DTHD1: variants seen among roughly 807,000 people sequenced by gnomAD.
DTHD1 encodes the protein death domain-containing protein 1.
In DTHD1, 59 loss-of-function variants were observed where a neutral mutation model predicts 74.8. The observed-to-expected ratio is 0.79, with a 90% confidence interval of 0.64 to 0.98. The LOEUF (loss-of-function observed/expected upper bound fraction) is 0.98. Ranked by LOEUF, DTHD1 falls within the 50% of genes least tolerant of loss-of-function variation. The probability of loss-of-function intolerance (pLI) is 0.00; values close to 1 mark genes in which losing one functional copy is unlikely to be tolerated. For missense variants in DTHD1, 1,051 were observed against 1,065.4 expected (o/e 0.99, Z 0.19); for synonymous variants, 365 against 371.1 (o/e 0.98, Z 0.19).
chr4:36,309,013 A>C (rs529841045), intron 7 of DTHD1, among the ~76,000 whole-genome samples: 1 of 152,216 alleles, frequency 6.6e-6, no homozygotes, highest in South Asian at 2.1e-4. Flanking sequence ...GAATAGATCT[A>C]TATTTCAGTA....
intron 8 of DTHD1, among the ~76,000 whole-genome samples, chr4:36,327,116 G>A (rs1022624813): frequency 1.3e-5 from 2 of 152,002 alleles, no homozygotes; most frequent in Admixed American, 1.3e-4. Flanking sequence ...ACAGGTGCCT[G>A]CCACCTCGCC....
intron 7 of DTHD1, chr4:36,311,841 G>T (rs1468158194): frequency 6.6e-6 from 1 of 151,764 alleles, no homozygotes; most frequent in Non-Finnish European, 1.5e-5. Flanking sequence ...GAAGACCAAA[G>T]TTTAGAAAAA....
At chr4:36,331,784 G>T (rs1758690916) in intron 8 of DTHD1, among the ~76,000 whole-genome samples, 1 of 152,070 alleles carries the variant, frequency 6.6e-6, no homozygotes, top group Non-Finnish European at 1.5e-5. Context: ...AAGGCTATGT[G>T]GCATCCATGC....
In DTHD1 at chr4:36,294,994, G is replaced by C. The variant is rs754339190; in HGVS notation, c.1598G>C (p.Arg533Thr). The change falls in exon 5 of 10, where the codon AGA (arginine) becomes ACA (threonine). Residue 533 changes from arginine (R) to threonine (T), a missense_variant. Physicochemically the swap from Arg to Thr is moderately conservative, Grantham distance 71. Coordinates refer to ENST00000639862, the MANE Select transcript of DTHD1 (RefSeq NM_001170700.3). ...NLGSEIDHKR[R>T]ASATINRITP... ...GGTTCTGAGATAGATCATAAAAGAA[G>C]AGCAAGTGCCACAATAAATAGGATT... The C allele has an allele frequency of 6.4e-7, 1 of 1,550,798 alleles. No individual in the cohort carries two copies. The highest frequency in any genetic ancestry group is 8.7e-7 in the Non-Finnish European group (1 of 1,146,230).
intron 5 of DTHD1, 55 bp from the exon 6 acceptor site, chr4:36,306,136 A>G (rs941612017): frequency 1.4e-6 from 2 of 1,442,240 alleles, no homozygotes; most frequent in Non-Finnish European, 1.9e-6. Context: ...AATGCATTAA[A>G]TAAGATTTAT....
chr4:36,340,699 T>C (rs1759267171), intron 9 of DTHD1, among the ~76,000 whole-genome samples: 2 of 152,190 alleles, frequency 1.3e-5, no homozygotes, highest in African/African-American at 4.8e-5. Flanking sequence ...TTGTGAGTGC[T>C]ACACCAGGAT....
At position 36,308,475 on chromosome 4, in the gene DTHD1, G is replaced by A; in HGVS notation, c.2077G>A (p.Gly693Arg). The change falls in exon 7 of 10, where the codon GGA becomes AGA. Residue 693 changes from glycine (G) to arginine (R), a missense_variant. Physicochemically the swap from Gly to Arg is moderately radical, Grantham distance 125. Coordinates refer to ENST00000639862, the MANE Select transcript of DTHD1 (RefSeq NM_001170700.3). The part of the protein sequence containing the change: ...EGEQLLLRFT[G>R]NIFASSNGKD... ...AGAACAACTTCTTTTAAGATTTACT[G>A]GAAACATATTTGCTTCAAGTAAGTA... 1 of 1,550,750 alleles carries A rather than the reference G, an allele frequency of 6.4e-7. No homozygotes were observed. Among genetic ancestry groups the A allele is most frequent in the Non-Finnish European group, 8.7e-7 (1 of 1,146,436 alleles).
At position 36,288,330 on chromosome 4, in the gene DTHD1, T is replaced by A. The variant is rs191956570; in HGVS notation, c.888-2043T>A. Among the ~76,000 whole-genome samples the A allele has an allele frequency of 3.9e-3, 588 of 152,328 alleles. 3 individuals are homozygous for A. The highest frequency in any genetic ancestry group is 0.013 in the African/African-American group (550 of 41,576). On this transcript the variant is annotated intron_variant, in intron 2 of 9. Coordinates refer to ENST00000639862, the MANE Select transcript of DTHD1 (RefSeq NM_001170700.3). ...TCAGGCTGGTCTTGAATTCTTGACC[T>A]CAGGTGATCCTTCCGCTTCGGTCTC...
intron 5 of DTHD1, among the ~76,000 whole-genome samples, chr4:36,300,658 T>A (rs1368236579): frequency 2.9e-5 from 2 of 67,974 alleles, no homozygotes; most frequent in South Asian, 5.8e-4. Flanking sequence ...TTGTTATTTA[T>A]AATTCTGGAA....
chr4:36,306,377 G>A (rs1757052737), intron 6 of DTHD1, 25 bp downstream of exon 6: 1 of 1,514,682 alleles, frequency 6.6e-7, no homozygotes, highest in African/African-American at 1.4e-5. Flanking sequence ...AACAATCAAA[G>A]TTGATGATAC....
At chr4:36,329,001 GCTTGTAGGA>G (rs1270962274) in intron 8 of DTHD1, among the ~76,000 whole-genome samples, 5 of 152,180 alleles carry the variant, frequency 3.3e-5, no homozygotes, top group African/African-American at 1.2e-4. Context: ...TATTGGCTCA[GCTTGTAGGA>G]CTTCACAGGA....
Position 36,326,414 on chromosome 4 carries a change from G to GA in DTHD1, c.2340+9941dup, listed in dbSNP as rs373848744. The stretch of plus-strand genomic sequence containing the variant: ...GCATTTACACATTAACTTATTTATT[G>GA]AAAAAAAAAAAAACCTTAAATAAAA... On this transcript the variant is annotated intron_variant, in intron 8 of 9. Coordinates refer to ENST00000639862, the MANE Select transcript of DTHD1 (RefSeq NM_001170700.3). Among the ~76,000 whole-genome samples, 815 of 135,624 alleles carry GA rather than the reference G, an allele frequency of 6.0e-3. 12 individuals are homozygous for GA. Among genetic ancestry groups the GA allele is most frequent in the Admixed American group, 0.037 (502 of 13,536 alleles). 89.0% of individuals were successfully genotyped at this position (135,624 alleles called of 152,430 possible).
At chr4:36,291,800 C>T (rs140657719) in intron 3 of DTHD1, among the ~76,000 whole-genome samples, 2,156 of 152,244 alleles carry the variant, frequency 0.014, 41 homozygotes, top group African/African-American at 0.05. Flanking sequence ...TGCACTCCAG[C>T]CTGGGCAATA....
chr4:36,343,295 C>T lies in DTHD1; in HGVS notation c.2399-207C>T, dbSNP rs115581974. Among the ~76,000 whole-genome samples the T allele has an allele frequency of 5.1e-3, 772 of 152,262 alleles. 1 individual carries two copies. Among genetic ancestry groups the T allele is most frequent in the Non-Finnish European group, 7.2e-3 (487 of 68,016 alleles). On this transcript the variant is annotated intron_variant, in intron 9 of 9. Transcript: ENST00000639862. The stretch of plus-strand genomic sequence containing the variant: ...TTTCATAAGCATTTAAAACTCTCTG[C>T]AATAGCTAGTACCCTCAGGAGATGA...
At chr4:36,306,408 G>T (rs1407695967) in intron 6 of DTHD1, 56 bp downstream of exon 6, 21 of 1,426,134 alleles carry the variant, frequency 1.5e-5, no homozygotes, top group Non-Finnish European at 1.7e-5. Flanking sequence ...GGTCATAACT[G>T]GTGTTTATAG....
At chr4:36,339,239 C>A in intron 9 of DTHD1, 70 bp downstream of exon 9, 1 of 1,076,126 alleles carries the variant, frequency 9.3e-7, no homozygotes, top group Non-Finnish European at 1.3e-6. Context: ...ATATGTGAAT[C>A]ATTTCATAAA....
chr4:36,282,297 G>T (rs1410613278), intron 1 of DTHD1, among the ~76,000 whole-genome samples: 4 of 152,182 alleles, frequency 2.6e-5, no homozygotes, highest in African/African-American at 9.7e-5. Context: ...TGAGAAGTTT[G>T]CTAGAAAAAT....
At chr4:36,334,878 G>A (rs574111122) in intron 8 of DTHD1, among the ~76,000 whole-genome samples, 2 of 152,160 alleles carry the variant, frequency 1.3e-5, no homozygotes, top group Non-Finnish European at 2.9e-5. Context: ...AACAATCCTT[G>A]TGATTGTCCA....
rs1268391464 is a variant in DTHD1, at chr4:36,346,987, A to C, written c.*3163A>C. 1.3e-5 allele frequency among the ~76,000 whole-genome samples: 2 copies of C among 152,146 alleles called. No individual in the cohort carries two copies. Among genetic ancestry groups the C allele is most frequent in the Admixed American group, 1.3e-4 (2 of 15,258 alleles). On this transcript the variant is annotated 3_prime_UTR_variant, in exon 10 of 10. Transcript: ENST00000639862. ...TTTTAAAATAAAGCCTCCTTTTATT[A>C]TTCTAATTTGAGTATATCACTATAT... is the stretch of plus-strand genomic sequence containing the variant.
Sources: allele counts gnomAD v4.1 joint callset (sites outside exome capture counted in the v4.1 genomes callset), GRCh38; gene constraint gnomAD v4.1.1; transcripts MANE v1.5; gene names NCBI Gene and HGNC (gene_info 2026-07-23, HGNC 2026-07-21).